The following PDSS2 variants were observed in gnomAD, a reference collection of about 807,000 sequenced individuals.
PDSS2 encodes the protein decaprenyl diphosphate synthase subunit 2.
A neutral mutation model predicts 44.5 loss-of-function variants in PDSS2; 31 were observed. The ratio of observed to expected loss-of-function variants is 0.70; its 90% CI spans 0.52 to 0.94. The LOEUF (loss-of-function observed/expected upper bound fraction) is 0.94, where lower values mean the gene tolerates loss of function less well. PDSS2 is among the 40% of genes least tolerant of loss of function. The pLI is 0.00. For synonymous variants in PDSS2, 157 were observed against 180.3 expected (o/e 0.87, Z 1.03); for missense variants, 452 against 482.2 (o/e 0.94, Z 0.59).
chr6:107,284,471 G>A (rs1390823837), intron 2 of PDSS2, among the ~76,000 whole-genome samples: 1 of 151,996 alleles, frequency 6.6e-6, no homozygotes, highest in Non-Finnish European at 1.5e-5. Flanking sequence ...GACCAGCCTG[G>A]CAAACATGGT....
chr6:107,159,056 T>A (rs1420798202), intron 7 of PDSS2, among the ~76,000 whole-genome samples: 2 of 152,042 alleles, frequency 1.3e-5, no homozygotes, highest in African/African-American at 4.8e-5. Context: ...TAAGTGGGGA[T>A]AATATAAGTC....
At chr6:107,394,108 G>A (rs1003023746) in intron 1 of PDSS2, among the ~76,000 whole-genome samples, 14 of 152,022 alleles carry the variant, frequency 9.2e-5, no homozygotes, top group Non-Finnish European at 1.5e-4. Flanking sequence ...TTTTCTGTTT[G>A]TTCTCTCTTT....
At chr6:107,423,288 G>A (rs1431747952) in intron 1 of PDSS2, among the ~76,000 whole-genome samples, 1 of 152,024 alleles carries the variant, frequency 6.6e-6, no homozygotes. Flanking sequence ...ACAGCAAAAA[G>A]GGAAAAGAGA....
intron 1 of PDSS2, among the ~76,000 whole-genome samples, chr6:107,434,369 G>C (rs919221312): frequency 6.6e-6 from 1 of 152,214 alleles, no homozygotes; most frequent in Non-Finnish European, 1.5e-5. Flanking sequence ...TCCATGAACA[G>C]ATGAGTGCAT....
At chr6:107,286,950 G>A (rs1474782710) in intron 2 of PDSS2, among the ~76,000 whole-genome samples, 1 of 152,140 alleles carries the variant, frequency 6.6e-6, no homozygotes, top group Non-Finnish European at 1.5e-5. Flanking sequence ...TGAGGCAGGA[G>A]GATGGCTTGA....
intron 4 of PDSS2, among the ~76,000 whole-genome samples, chr6:107,218,022 A>G (rs1773470205): frequency 6.6e-6 from 1 of 152,194 alleles, no homozygotes; most frequent in Admixed American, 6.5e-5. Flanking sequence ...CCAACTCCCC[A>G]GAACCTTACT....
chr6:107,286,620 T>C (rs1485644410), intron 2 of PDSS2, among the ~76,000 whole-genome samples: 7 of 152,042 alleles, frequency 4.6e-5, no homozygotes, highest in Non-Finnish European at 1.0e-4. Flanking sequence ...ATTTAAAATA[T>C]ATGTGAAGCT....
intron 6 of PDSS2, among the ~76,000 whole-genome samples, chr6:107,201,867 C>T (rs1181131331): frequency 1.3e-5 from 2 of 152,196 alleles, no homozygotes; most frequent in Non-Finnish European, 2.9e-5. Flanking sequence ...ACAATGAACA[C>T]TCATTTTCCC....
rs548004716 is a variant in PDSS2, at chr6:107,179,117, C to G, written c.1041+14705G>C. The stretch of plus-strand genomic sequence containing the variant: ...CACATAGAAAGGTCTACCCATTTTT[C>G]TGACAGCTGCACACAAATCTTAGGA... On this transcript the variant is annotated intron_variant, in intron 7 of 7. Transcript: ENST00000369037. Among the ~76,000 whole-genome samples, 3 of 152,318 alleles carry G rather than the reference C, an allele frequency of 2.0e-5. No individual in the cohort carries two copies. In the South Asian group the frequency reaches 6.2e-4, roughly 32 times the overall value.
intron 1 of PDSS2, among the ~76,000 whole-genome samples, chr6:107,403,802 G>A (rs1780221706): frequency 6.6e-6 from 1 of 152,188 alleles, no homozygotes; most frequent in Non-Finnish European, 1.5e-5. Context: ...GGGGAGCCCT[G>A]GACCAGGCTC....
intron 3 of PDSS2, among the ~76,000 whole-genome samples, chr6:107,260,953 C>T (rs972853318): frequency 1.3e-5 from 2 of 152,140 alleles, no homozygotes; most frequent in South Asian, 2.1e-4. Flanking sequence ...TGAGCCATCG[C>T]GCCTGGCCCC....
chr6:107,173,583 A>AAC (rs1554249179), intron 7 of PDSS2, among the ~76,000 whole-genome samples: 6 of 148,118 alleles, frequency 4.1e-5, no homozygotes, highest in African/African-American at 1.6e-4. Context: ...AAAAAAAAAA[A>AAC]AAAAAAAAAA....
At chr6:107,283,347 A>G (rs1451326341) in intron 2 of PDSS2, among the ~76,000 whole-genome samples, 1 of 151,604 alleles carries the variant, frequency 6.6e-6, no homozygotes, top group Non-Finnish European at 1.5e-5. Flanking sequence ...AAAGAAAAAA[A>G]GAAAAAAACC....
chr6:107,420,826 A>G (rs1436135132), intron 1 of PDSS2, among the ~76,000 whole-genome samples: 2 of 124,300 alleles, frequency 1.6e-5, no homozygotes, highest in East Asian at 4.3e-4. Flanking sequence ...TCTATAAAAG[A>G]AAAAAAAAAA....
At chr6:107,424,149 C>T (rs1385767007) in intron 1 of PDSS2, among the ~76,000 whole-genome samples, 1 of 149,376 alleles carries the variant, frequency 6.7e-6, no homozygotes, top group Admixed American at 6.8e-5. Context: ...CCAAGTGATC[C>T]TCCCATGACA....
At chr6:107,417,417 G>C (rs1012770490) in intron 1 of PDSS2, among the ~76,000 whole-genome samples, 1 of 152,128 alleles carries the variant, frequency 6.6e-6, no homozygotes, top group Non-Finnish European at 1.5e-5. Flanking sequence ...ACTAAAAAAT[G>C]TTTATAATTT....
At chr6:107,403,219 A>G (rs547363284) in intron 1 of PDSS2, among the ~76,000 whole-genome samples, 2 of 152,330 alleles carry the variant, frequency 1.3e-5, no homozygotes, top group African/African-American at 4.8e-5. Context: ...TCCGAAATCC[A>G]ACAAGGCAGT....
intron 7 of PDSS2, among the ~76,000 whole-genome samples, chr6:107,187,645 C>G (rs1772217119): frequency 6.8e-6 from 1 of 146,450 alleles, no homozygotes; most frequent in Non-Finnish European, 1.5e-5. Context: ...GCCTGGGCAA[C>G]AAGAGTGAAA....
In PDSS2 at chr6:107,274,225, T is replaced by C. The variant is rs1315716434; in HGVS notation, c.434A>G (p.Gln145Arg). The C allele has an allele frequency of 6.2e-7, 1 of 1,608,854 alleles. No individual in the cohort carries two copies. Among genetic ancestry groups the C allele is most frequent in the Non-Finnish European group, 8.5e-7 (1 of 1,175,206 alleles). Residue 145 changes from glutamine to arginine, a missense_variant and splice_region_variant, in exon 3 of 8, where the codon CAA becomes CGA. Coordinates refer to ENST00000369037, the MANE Select transcript of PDSS2 (RefSeq NM_020381.4). Reference protein sequence around the residue: ...YDMVSGIYSCQRSLAEITELI... With the variant: ...YDMVSGIYSCRRSLAEITELI... ...CTCCGTGATCTCTGCCAAACTTCTT[T>C]GACTAAAACATAAAGGTAAGATTTG...
Sources: allele counts gnomAD v4.1 joint callset (sites outside exome capture counted in the v4.1 genomes callset), GRCh38; gene constraint gnomAD v4.1.1; transcripts MANE v1.5; gene names NCBI Gene and HGNC (gene_info 2026-07-23, HGNC 2026-07-21).